The following BRD4 variants were observed in gnomAD, a reference collection of about 807,000 sequenced individuals.
BRD4 encodes bromodomain-containing protein 4.
Under a neutral mutation model 142.1 loss-of-function variants are expected in BRD4, and 16 were observed. The ratio of observed to expected loss-of-function variants is 0.11; its 90% CI spans 0.08 to 0.17. BRD4 has a LOEUF of 0.17. Ranked by LOEUF, BRD4 falls within the 10% of genes least tolerant of loss-of-function variation. The probability of loss-of-function intolerance (pLI) is 1.00; values close to 1 mark genes in which losing one functional copy is unlikely to be tolerated. For synonymous variants in BRD4, 833 were observed against 707.5 expected (o/e 1.18, Z -2.82); for missense variants, 1,424 against 1,810.9 (o/e 0.79, Z 3.88).
intron 1 of BRD4, among the ~76,000 whole-genome samples, chr19:15,322,023 T>TAC (rs989724179): frequency 4.6e-5 from 7 of 151,812 alleles, no homozygotes; most frequent in Non-Finnish European, 7.4e-5. Context: ...GGCACATACA[T>TAC]ACACACACAC....
intron 2 of BRD4, among the ~76,000 whole-genome samples, chr19:15,269,346 A>G (rs551270644): frequency 1.3e-5 from 2 of 152,342 alleles, no homozygotes; most frequent in East Asian, 3.9e-4. Flanking sequence ...GGATACTAAA[A>G]TATTCTTTCA....
intron 1 of BRD4, among the ~76,000 whole-genome samples, chr19:15,329,284 G>A (rs1030496079): frequency 1.3e-5 from 2 of 151,986 alleles, no homozygotes; most frequent in Non-Finnish European, 2.9e-5. Context: ...GATTTGCCAG[G>A]AACATAAAGA....
intron 1 of BRD4, among the ~76,000 whole-genome samples, chr19:15,289,036 A>G (rs1057114932): frequency 3.3e-5 from 5 of 152,206 alleles, no homozygotes; most frequent in African/African-American, 1.2e-4. Flanking sequence ...AGCAAACTAC[A>G]GAACCACGTT....
rs751201371 is a variant in BRD4, at chr19:15,239,371, C to T, written c.3576+21G>A. 4 of 1,614,186 alleles carry T rather than the reference C, an allele frequency of 2.5e-6. No individual in the cohort carries two copies. In the South Asian group the frequency reaches 3.3e-5, roughly 13 times the overall value. On this transcript the variant is annotated intron_variant, in intron 17 of 19. Transcript: ENST00000679869. This position sits in a 1 kb window ranked among gnomAD's most constrained non-coding sequence, Gnocchi z 7.4. ...TTCCAGGGCCAAGGGGCAAGCGACA[C>T]CCATGGACCTCCATCCCAACCTTTT... is the stretch of plus-strand genomic sequence containing the variant.
chr19:15,294,946 A>G (rs1475330996), intron 1 of BRD4, among the ~76,000 whole-genome samples: 1 of 152,218 alleles, frequency 6.6e-6, no homozygotes, highest in East Asian at 1.9e-4. Flanking sequence ...TCCAAAATGA[A>G]GATAAAAACT....
intron 1 of BRD4, among the ~76,000 whole-genome samples, chr19:15,279,950 C>T (rs1033291189): frequency 6.6e-6 from 1 of 152,198 alleles, no homozygotes; most frequent in Admixed American, 6.5e-5. Flanking sequence ...CAGAAGCAGT[C>T]GCCAAGACGA....
intron 1 of BRD4, among the ~76,000 whole-genome samples, chr19:15,296,330 T>C (rs2047822728): frequency 6.6e-6 from 1 of 152,230 alleles, no homozygotes; most frequent in Admixed American, 6.5e-5. Context: ...CAACTGCTTC[T>C]TTATATACCA....
chr19:15,258,651 G>A lies in BRD4; in HGVS notation c.1342-1478C>T, dbSNP rs190589555. 4.6e-5 allele frequency among the ~76,000 whole-genome samples: 7 copies of A among 152,008 alleles called. No homozygotes were observed. The East Asian group carries it at 1.4e-3, about 29-fold the overall frequency. ...GATAGGGCCTTGCTCTGTTGCCCAGGGTGGAATGCAATCAATGGCTCAATC... is the reference window on the plus strand; with the variant it reads ...GATAGGGCCTTGCTCTGTTGCCCAGAGTGGAATGCAATCAATGGCTCAATC... On this transcript the variant is annotated intron_variant, in intron 7 of 19. Coordinates refer to ENST00000679869, the MANE Select transcript of BRD4 (RefSeq NM_001379291.1).
chr19:15,329,093 T>A (rs1378704729), intron 1 of BRD4, among the ~76,000 whole-genome samples: 4 of 151,734 alleles, frequency 2.6e-5, no homozygotes, highest in East Asian at 1.9e-4. Flanking sequence ...TTTTTTTTTT[T>A]AAGTTAACAA....
At chr19:15,260,810 A>C (rs894760921) in intron 7 of BRD4, among the ~76,000 whole-genome samples, 2 of 152,158 alleles carry the variant, frequency 1.3e-5, no homozygotes, top group Admixed American at 1.3e-4. Flanking sequence ...AAAAAAAAAA[A>C]AAAAACCACT....
At chr19:15,249,925 G>A (rs1013235194) in intron 11 of BRD4, among the ~76,000 whole-genome samples, 2 of 152,068 alleles carry the variant, frequency 1.3e-5, no homozygotes, top group Non-Finnish European at 1.5e-5. Flanking sequence ...CACTGTTGAG[G>A]AGGAGAAAAA....
chr19:15,287,232 C>A (rs974990898), intron 1 of BRD4, among the ~76,000 whole-genome samples: 3 of 151,192 alleles, frequency 2.0e-5, no homozygotes, highest in African/African-American at 7.4e-5. Flanking sequence ...GAGGACAGTG[C>A]CTTTATTCTT....
At chr19:15,326,152 T>C (rs2048106559) in intron 1 of BRD4, among the ~76,000 whole-genome samples, 1 of 124,196 alleles carries the variant, frequency 8.1e-6, no homozygotes, top group Admixed American at 8.5e-5. Flanking sequence ...CAATGTAGCA[T>C]TAAAAAAAAA....
At position 15,298,620 on chromosome 19, in the gene BRD4, C is replaced by CAAAA. The variant is rs57719337; in HGVS notation, c.-34-25491_-34-25488dup. ...TGGGCAACAGGGCGAGACTCCAACT[C>CAAAA]AAAAAAAAAAAAAAAAAAAAAAAAA... On this transcript the variant is annotated intron_variant, in intron 1 of 19. Transcript: ENST00000679869. Among the ~76,000 whole-genome samples, 33 of 66,038 alleles carry CAAAA rather than the reference C, an allele frequency of 5.0e-4. 3 individuals are homozygous for CAAAA. Among genetic ancestry groups the CAAAA allele is most frequent in the South Asian group, 6.0e-4 (1 of 1,660 alleles). The allele number at this position is 66,038 out of a possible 152,430, so 43.3% of individuals were successfully genotyped here.
intron 1 of BRD4, among the ~76,000 whole-genome samples, chr19:15,273,433 T>A (rs931132523): frequency 6.6e-6 from 1 of 152,206 alleles, no homozygotes; most frequent in African/African-American, 2.4e-5. Context: ...GGGAAGGATG[T>A]ACAATGAAGC....
intron 1 of BRD4, among the ~76,000 whole-genome samples, chr19:15,274,806 C>A (rs1348656092): frequency 1.3e-5 from 2 of 152,144 alleles, no homozygotes; most frequent in Non-Finnish European, 2.9e-5. Flanking sequence ...AGGCCAGTGA[C>A]CACTCTTCTT....
At chr19:15,240,044 G>A (rs2047226610) in intron 14 of BRD4, 22 bp from the exon 15 acceptor site, 1 of 1,596,852 alleles carries the variant, frequency 6.3e-7, no homozygotes, top group Non-Finnish European at 8.5e-7. Context: ...GACAAGGAAT[G>A]TGTCAAGGGG....
chr19:15,263,689 A>T, intron 6 of BRD4, 141 bp from the exon 7 acceptor site: 1 of 1,053,384 alleles, frequency 9.5e-7, no homozygotes, highest in Non-Finnish European at 1.4e-6. Context: ...GTGGGGGGAC[A>T]GGCCATCACC....
rs562990882 is a variant in BRD4 at position 15,248,782 on chromosome 19, G to A, written c.2159-4020C>T. ...CTCCTTATCTAGGACAGCTCTAGAGGTCAGAGTGTTCTTCCGCACACTGAA... is the reference window on the plus strand; with the variant it reads ...CTCCTTATCTAGGACAGCTCTAGAGATCAGAGTGTTCTTCCGCACACTGAA... On this transcript the variant is annotated intron_variant, in intron 11 of 19. Transcript: ENST00000679869. The A allele has an allele frequency of 5.0e-5, 12 of 242,212 alleles. No individual in the cohort carries two copies. In the South Asian group the frequency reaches 1.5e-3, roughly 30 times the overall value. 15.0% of individuals were successfully genotyped at this position (242,212 alleles called of 1,614,324 possible).
Sources: gnomAD v4.1 joint callset for allele counts (sites outside exome capture counted in the v4.1 genomes callset) on GRCh38, gnomAD v4.1.1 for gene constraint, Gnocchi (gnomAD v3.1) non-coding constraint, MANE v1.5 for transcripts, NCBI Gene and HGNC (gene_info 2026-07-23, HGNC 2026-07-21) for gene names.